FOXJ3: variants seen among roughly 807,000 people sequenced by gnomAD.
FOXJ3 encodes forkhead box protein J3.
Under a neutral mutation model 76.1 loss-of-function variants are expected in FOXJ3, and 22 were observed. The ratio of observed to expected loss-of-function variants is 0.29; its 90% CI spans 0.21 to 0.41. The LOEUF (loss-of-function observed/expected upper bound fraction) is 0.41. Ranked by LOEUF, FOXJ3 falls within the 10% of genes least tolerant of loss-of-function variation. FOXJ3 has a pLI of 1.00. For missense variants in FOXJ3, 613 were observed against 762.1 expected (o/e 0.80, Z 2.30); for synonymous variants, 269 against 261.2 (o/e 1.03, Z -0.29).
rs143175153 is a variant in FOXJ3 at position 42,181,865 on chromosome 1, T to TCACACACACA, written c.1753+42_1753+51dup. Reference sequence around the variant, plus strand: ...CCTGCCATCGTTGTTCCTGGAGTGCTCACACACACACACACACACACACAC... The same window carrying TCACACACACA: ...CCTGCCATCGTTGTTCCTGGAGTGCTCACACACACACACACACACACACACACACACACAC... On this transcript the variant is annotated intron_variant, in intron 12 of 12. Coordinates refer to ENST00000361346, the MANE Select transcript of FOXJ3 (RefSeq NM_014947.5). The TCACACACACA allele has an allele frequency of 2.2e-5, 21 of 964,570 alleles. 1 individual carries two copies. The highest frequency in any genetic ancestry group is 2.6e-4 in the Middle Eastern group (1 of 3,780). 59.8% of individuals were successfully genotyped at this position (964,570 alleles called of 1,614,324 possible). A position where few individuals can be genotyped will look rare whatever the true frequency, so the allele number is the denominator to read the frequency against.
At chr1:42,310,451 T>TC (rs899261874) in intron 2 of FOXJ3, among the ~76,000 whole-genome samples, 24 of 133,914 alleles carry the variant, frequency 1.8e-4, no homozygotes, top group Non-Finnish European at 3.2e-4. Context: ...GGCTTTTTTC[T>TC]TTTTTTTTTT....
At chr1:42,276,289 G>T (rs1380898168) in intron 3 of FOXJ3, among the ~76,000 whole-genome samples, 7 of 152,026 alleles carry the variant, frequency 4.6e-5, no homozygotes, top group African/African-American at 1.4e-4. Context: ...CCAGGAGACG[G>T]AGGTTACAGT....
intron 1 of FOXJ3, among the ~76,000 whole-genome samples, chr1:42,325,594 G>A (rs1048287112): frequency 1.3e-5 from 2 of 152,176 alleles, no homozygotes; most frequent in African/African-American, 4.8e-5. Context: ...GTACCTGGAT[G>A]AAAAACACTA....
At chr1:42,231,227 G>A (rs1287830663) in intron 4 of FOXJ3, among the ~76,000 whole-genome samples, 3 of 152,076 alleles carry the variant, frequency 2.0e-5, no homozygotes, top group African/African-American at 7.2e-5. Flanking sequence ...TCGGGAGGCT[G>A]AGGCAGGAGA....
intron 4 of FOXJ3, among the ~76,000 whole-genome samples, chr1:42,248,266 G>C (rs1649702436): frequency 6.6e-6 from 1 of 152,118 alleles, no homozygotes; most frequent in South Asian, 2.1e-4. Context: ...CGGGCGTGGT[G>C]GCTCATGCCT....
intron 2 of FOXJ3, among the ~76,000 whole-genome samples, chr1:42,295,481 T>C (rs1653723378): frequency 6.6e-6 from 1 of 151,980 alleles, no homozygotes. Context: ...TTCCATGACT[T>C]TGCTGTTATG....
chr1:42,179,679 G>A lies in FOXJ3; in HGVS notation c.*31C>T, dbSNP rs184441481. 1.0e-4 allele frequency: 139 copies of A among 1,359,834 alleles called. 1 individual carries two copies. In the African/African-American group the frequency reaches 1.6e-3, roughly 16 times the overall value. 84.2% of individuals were successfully genotyped at this position (1,359,834 alleles called of 1,614,324 possible). A position where few individuals can be genotyped will look rare whatever the true frequency, so the allele number is the denominator to read the frequency against. ...TCCCTTCACTGCACAGAAAGGTAACGTTAGGGTCTGGTGTCTTGCAGAAAC... is the reference window on the plus strand; with the variant it reads ...TCCCTTCACTGCACAGAAAGGTAACATTAGGGTCTGGTGTCTTGCAGAAAC... On this transcript the variant is annotated 3_prime_UTR_variant, in exon 13 of 13. Transcript: ENST00000361346.
At chr1:42,185,876 A>G (rs1233712664) in intron 11 of FOXJ3, among the ~76,000 whole-genome samples, 1 of 152,096 alleles carries the variant, frequency 6.6e-6, no homozygotes, top group Non-Finnish European at 1.5e-5. Flanking sequence ...CAGGAAGCTC[A>G]TGGAGGTGTT....
chr1:42,224,277 AATG>A (rs1475209396), intron 5 of FOXJ3, among the ~76,000 whole-genome samples: 2 of 152,358 alleles, frequency 1.3e-5, no homozygotes, highest in East Asian at 1.9e-4. Flanking sequence ...ATGATTAAAA[AATG>A]ATAAGATGAA....
At chr1:42,250,846 C>T (rs1347587828) in intron 4 of FOXJ3, among the ~76,000 whole-genome samples, 2 of 139,304 alleles carry the variant, frequency 1.4e-5, no homozygotes, top group African/African-American at 2.7e-5. Context: ...TAAAAATTCA[C>T]CAAAATATTA....
intron 2 of FOXJ3, among the ~76,000 whole-genome samples, chr1:42,281,942 C>T (rs980607767): frequency 6.6e-6 from 1 of 151,954 alleles, no homozygotes; most frequent in African/African-American, 2.4e-5. Flanking sequence ...CCCTGTAATC[C>T]CAGCTACTTG....
At chr1:42,236,001 G>C (rs1648595498) in intron 4 of FOXJ3, among the ~76,000 whole-genome samples, 1 of 152,100 alleles carries the variant, frequency 6.6e-6, no homozygotes, top group Non-Finnish European at 1.5e-5. Flanking sequence ...CTAAGAAGCA[G>C]TTACCTTTGC....
chr1:42,299,258 G>C (rs1274362121), intron 2 of FOXJ3, among the ~76,000 whole-genome samples: 2 of 152,022 alleles, frequency 1.3e-5, no homozygotes, highest in East Asian at 3.9e-4. Flanking sequence ...TGTTTGCTTT[G>C]GCCTAGCAGT....
intron 1 of FOXJ3, among the ~76,000 whole-genome samples, chr1:42,324,146 C>CTA (rs1553170612): frequency 8.2e-5 from 7 of 85,716 alleles, no homozygotes; most frequent in African/African-American, 3.9e-4. Context: ...AGTATATATA[C>CTA]TATATATACA....
chr1:42,265,031 T>C (rs1390756873), intron 4 of FOXJ3, 84 bp downstream of exon 4: 6 of 877,968 alleles, frequency 6.8e-6, no homozygotes, highest in African/African-American at 5.0e-5. Context: ...GAGGTTCCTA[T>C]TCAATGAACT....
rs1048255539 is a variant in FOXJ3 at position 42,186,763 on chromosome 1, T to C, written c.1645+1974A>G. Reference sequence around the variant, plus strand: ...CAAGACCAAAAGGTACACATAGACCTTTCTTACAGACTTAGGGCACAAAAC... The same window carrying C: ...CAAGACCAAAAGGTACACATAGACCCTTCTTACAGACTTAGGGCACAAAAC... On this transcript the variant is annotated intron_variant, in intron 11 of 12. Coordinates refer to ENST00000361346, the MANE Select transcript of FOXJ3 (RefSeq NM_014947.5). 9.5e-4 allele frequency among the ~76,000 whole-genome samples: 144 copies of C among 152,158 alleles called. 1 individual carries two copies. The highest frequency in any genetic ancestry group is 3.7e-4 in the Non-Finnish European group (25 of 68,030).
chr1:42,183,160 C>T (rs1207369585), intron 11 of FOXJ3, among the ~76,000 whole-genome samples: 1 of 150,454 alleles, frequency 6.6e-6, no homozygotes, highest in Non-Finnish European at 1.5e-5. Flanking sequence ...CCTGTAGTCC[C>T]AGCTACTCAG....
intron 1 of FOXJ3, among the ~76,000 whole-genome samples, chr1:42,328,795 T>C (rs1035750093): frequency 3.3e-5 from 5 of 150,242 alleles, no homozygotes; most frequent in Admixed American, 2.0e-4. Context: ...GCTTCCCAAA[T>C]AGCTGGGACT....
At chr1:42,194,496 C>T (rs1315022799) in intron 8 of FOXJ3, among the ~76,000 whole-genome samples, 2 of 152,216 alleles carry the variant, frequency 1.3e-5, no homozygotes, top group Non-Finnish European at 2.9e-5. Context: ...ATAGTTATCT[C>T]TTTTTGCTAA....
Sources: gnomAD v4.1 joint callset for allele counts (sites outside exome capture counted in the v4.1 genomes callset) on GRCh38, gnomAD v4.1.1 for gene constraint, MANE v1.5 for transcripts, NCBI Gene and HGNC (gene_info 2026-07-23, HGNC 2026-07-21) for gene names.